Variants in SERPINA9 observed in about 807,000 individuals in gnomAD.
SERPINA9 encodes serpin A9.
SERPINA9 carries 32 observed loss-of-function variants against 24.5 expected under a neutral mutation model. That is an observed-to-expected ratio of 1.30 (90% confidence interval 0.98 to 1.75). SERPINA9 has a LOEUF of 1.75. Ranked by LOEUF, SERPINA9 falls within the 40% of genes most tolerant of loss-of-function variation. The pLI is 0.00. For missense variants in SERPINA9, 594 were observed against 497.1 expected (o/e 1.19, Z -1.85); for synonymous variants, 233 against 197.7 (o/e 1.18, Z -1.50).
At chr14:94,468,478 G>A (rs1257527065) in intron 2 of SERPINA9, among the ~76,000 whole-genome samples, 1 of 152,178 alleles carries the variant, frequency 6.6e-6, no homozygotes, top group Non-Finnish European at 1.5e-5. Context: ...TCTATCTCAA[G>A]CACAACCTAT....
intron 1 of SERPINA9, among the ~76,000 whole-genome samples, chr14:94,475,073 A>C (rs1899519309): frequency 6.6e-6 from 1 of 152,098 alleles, no homozygotes; most frequent in Middle Eastern, 3.4e-3. Flanking sequence ...TTGCCTCTTT[A>C]TCCAGCTTGG....
At position 94,472,570 on chromosome 14, in the gene SERPINA9, G is replaced by A. The variant is rs117490224; in HGVS notation, c.-17-2713C>T. On this transcript the variant is annotated intron_variant, in intron 1 of 4. Transcript: ENST00000674397. ...TTGGTCCATTGGGTTGAACATGTAC[G>A]CTTATTATGCAGGTACTATAGGAGG... Among the ~76,000 whole-genome samples the A allele has an allele frequency of 1.4e-4, 22 of 152,088 alleles. No individual in the cohort carries two copies. In the East Asian group the frequency reaches 4.1e-3, roughly 28 times the overall value.
At chr14:94,473,443 C>A (rs966485561) in intron 1 of SERPINA9, among the ~76,000 whole-genome samples, 3 of 148,608 alleles carry the variant, frequency 2.0e-5, no homozygotes, top group Non-Finnish European at 3.0e-5. Context: ...CACTTGAACC[C>A]GGGAGGCGGA....
At chr14:94,475,714 C>T (rs140006400) in intron 1 of SERPINA9, among the ~76,000 whole-genome samples, 2 of 152,286 alleles carry the variant, frequency 1.3e-5, no homozygotes, top group African/African-American at 4.8e-5. Flanking sequence ...CTTTTCTGCA[C>T]TTAAACACTC....
chr14:94,463,767 G>C (rs1486983439), intron 4 of SERPINA9, among the ~76,000 whole-genome samples: 1 of 152,194 alleles, frequency 6.6e-6, no homozygotes, highest in Non-Finnish European at 1.5e-5. Flanking sequence ...GTCTTCTAGG[G>C]AAGAGATTCT....
rs181326241 is a variant in SERPINA9 at position 94,462,900 on chromosome 14, C to A, written c.*193G>T. ...GAGAATTTGTGGAAAAGGGCACTGA[C>A]TGGGGTTAATGGGTGTTGGCTTGTG... On this transcript the variant is annotated 3_prime_UTR_variant, in exon 5 of 5. Coordinates refer to ENST00000674397, the MANE Select transcript of SERPINA9 (RefSeq NM_175739.4). 6.9e-6 allele frequency: 4 copies of A among 578,764 alleles called. No homozygotes were observed. Among genetic ancestry groups the A allele is most frequent in the Non-Finnish European group, 1.2e-5 (4 of 322,098 alleles). The allele number at this position is 578,764 out of a possible 1,614,324, so 35.9% of individuals were successfully genotyped here. A position where few individuals can be genotyped will look rare whatever the true frequency, so the allele number is the denominator to read the frequency against.
At chr14:94,475,770 T>C (rs1899596743) in intron 1 of SERPINA9, among the ~76,000 whole-genome samples, 1 of 152,318 alleles carries the variant, frequency 6.6e-6, no homozygotes, top group African/African-American at 2.4e-5. Flanking sequence ...TGTTCAAGTC[T>C]TGCTCGTTAA....
At chr14:94,468,750 A>T (rs1322339440) in intron 2 of SERPINA9, among the ~76,000 whole-genome samples, 1 of 152,238 alleles carries the variant, frequency 6.6e-6, no homozygotes, top group Non-Finnish European at 1.5e-5. Context: ...CTTCATATAT[A>T]TAAGGGATAC....
intron 1 of SERPINA9, among the ~76,000 whole-genome samples, chr14:94,473,254 G>A (rs767011511): frequency 3.9e-5 from 6 of 152,098 alleles, no homozygotes; most frequent in South Asian, 2.1e-4. Flanking sequence ...GGCTGGGCGC[G>A]GTGGCTCACG....
chr14:94,469,973 G>T, intron 1 of SERPINA9, 116 bp from the exon 2 acceptor site: 1 of 828,156 alleles, frequency 1.2e-6, no homozygotes. Context: ...AGGCCAGTTA[G>T]CAGAGCTCTC....
At chr14:94,473,007 G>A (rs1899397820) in intron 1 of SERPINA9, among the ~76,000 whole-genome samples, 2 of 152,312 alleles carry the variant, frequency 1.3e-5, no homozygotes, top group Admixed American at 1.3e-4. Context: ...GTGCGGACTT[G>A]GTTCTGTGCC....
At chr14:94,475,171 G>A (rs1440313897) in intron 1 of SERPINA9, among the ~76,000 whole-genome samples, 1 of 152,128 alleles carries the variant, frequency 6.6e-6, no homozygotes, top group Non-Finnish European at 1.5e-5. Flanking sequence ...TCCATGTGTG[G>A]TAGAACCTAC....
intron 1 of SERPINA9, among the ~76,000 whole-genome samples, chr14:94,470,808 G>T (rs1012746489): frequency 2.0e-5 from 3 of 152,162 alleles, no homozygotes; most frequent in Non-Finnish European, 4.4e-5. Flanking sequence ...ACTGCTCACA[G>T]GTCTCCCCAG....
At chr14:94,463,355 T>G (rs1326874829) in intron 4 of SERPINA9, 59 bp from the exon 5 acceptor site, 2 of 1,472,208 alleles carry the variant, frequency 1.4e-6, no homozygotes, top group Non-Finnish European at 1.9e-6. Context: ...CTTAACTGAG[T>G]AAACTAAACT....
chr14:94,469,340 G>T lies in SERPINA9; in HGVS notation c.501C>A (p.Asn167Lys), dbSNP rs1899181997. 3 of 1,614,226 alleles carry T rather than the reference G, an allele frequency of 1.9e-6. No individual in the cohort carries two copies. Among genetic ancestry groups the T allele is most frequent in the Non-Finnish European group, 2.5e-6 (3 of 1,180,040 alleles). The change falls in exon 2 of 5, where the codon AAC becomes AAA. Residue 167 changes from asparagine (N) to lysine (K), a missense_variant. Coordinates refer to ENST00000674397, the MANE Select transcript of SERPINA9 (RefSeq NM_175739.4). ...TGATCCTCGCCTGGGCAATGGAGGG[G>T]TTGGAGAAATCTGTAGAAAAGACTT... ...EAEVFSTDFS[N>K]PSIAQARINS... is the part of the protein sequence containing the mutation.
At chr14:94,473,055 C>T (rs1165312456) in intron 1 of SERPINA9, among the ~76,000 whole-genome samples, 1 of 152,196 alleles carries the variant, frequency 6.6e-6, no homozygotes, top group Non-Finnish European at 1.5e-5. Flanking sequence ...AGAACCTCAG[C>T]AGCAGAGAAT....
At chr14:94,472,057 C>T (rs946758454) in intron 1 of SERPINA9, among the ~76,000 whole-genome samples, 7 of 152,172 alleles carry the variant, frequency 4.6e-5, no homozygotes, top group African/African-American at 1.7e-4. Context: ...AGTGTTGGGG[C>T]TACAATGGGG....
chr14:94,475,949 C>CA, intron 1 of SERPINA9, 187 bp downstream of exon 1: 1 of 750,794 alleles, frequency 1.3e-6, no homozygotes, highest in Non-Finnish European at 2.2e-6. Flanking sequence ...TGGTCCACTC[C>CA]AGCCTGGCTT....
At chr14:94,468,915 T>C (rs909612521) in intron 2 of SERPINA9, among the ~76,000 whole-genome samples, 3 of 152,206 alleles carry the variant, frequency 2.0e-5, no homozygotes, top group African/African-American at 7.2e-5. Context: ...AAGAGATCTT[T>C]TCTCTCAAGT....
Sources: gnomAD v4.1 joint callset for allele counts (sites outside exome capture counted in the v4.1 genomes callset) on GRCh38, gnomAD v4.1.1 for gene constraint, MANE v1.5 for transcripts, NCBI Gene and HGNC (gene_info 2026-07-23, HGNC 2026-07-21) for gene names.